Variants in CMSS1 observed in about 807,000 individuals in gnomAD.
CMSS1 encodes cms1 ribosomal small subunit homolog.
In CMSS1, 33 loss-of-function variants were observed where a neutral mutation model predicts 43.5. The ratio of observed to expected loss-of-function variants is 0.76; its 90% CI spans 0.57 to 1.01. CMSS1 has a LOEUF of 1.01. Among genes scored for constraint, CMSS1 ranks in the 50% least tolerant of loss-of-function variants. CMSS1 has a pLI of 0.00. For missense variants in CMSS1, 313 were observed against 326.4 expected, an observed-to-expected ratio of 0.96 and a Z score of 0.32; for synonymous variants, 115 against 117.2, an observed-to-expected ratio of 0.98 and a Z score of 0.12.
chr3:100,153,838 CT>C (rs377391619), intron 2 of CMSS1, among the ~76,000 whole-genome samples: 2 of 150,174 alleles, frequency 1.3e-5, no homozygotes, highest in Admixed American at 6.6e-5. Context: ...GAGGCTATTT[CT>C]TTTTTTTTCT....
intron 1 of CMSS1, among the ~76,000 whole-genome samples, chr3:99,947,670 C>T (rs1462554266): frequency 2.0e-5 from 3 of 152,202 alleles, no homozygotes; most frequent in Admixed American, 6.5e-5. Flanking sequence ...TATTCTACCT[C>T]CCCTCTAAAT....
chr3:99,824,682 T>C (rs1287398852), intron 1 of CMSS1, among the ~76,000 whole-genome samples: 1 of 152,274 alleles, frequency 6.6e-6, no homozygotes, highest in African/African-American at 2.4e-5. Flanking sequence ...AATGCCGCTT[T>C]TCTCTTTTCA....
intron 1 of CMSS1, among the ~76,000 whole-genome samples, chr3:99,949,172 A>G (rs1398264403): frequency 1.3e-5 from 2 of 152,328 alleles, no homozygotes; most frequent in Admixed American, 6.5e-5. Flanking sequence ...AGAGTGATTT[A>G]TTGTTAAGAT....
At chr3:99,875,982 A>G in intron 1 of CMSS1, 1 of 874,052 alleles carries the variant, frequency 1.1e-6, no homozygotes. Flanking sequence ...TGTGATGCTG[A>G]GACAGCTTTA....
At chr3:100,160,379 G>T in intron 2 of CMSS1, 51 bp from the exon 3 acceptor site, 2 of 924,528 alleles carry the variant, frequency 2.2e-6, no homozygotes, top group South Asian at 2.8e-5. Flanking sequence ...GCCACTAATT[G>T]ACACTTTATC....
chr3:100,059,060 A>C (rs2065515015), intron 1 of CMSS1, among the ~76,000 whole-genome samples: 1 of 152,218 alleles, frequency 6.6e-6, no homozygotes, highest in African/African-American at 2.4e-5. Flanking sequence ...CCTTTAGGGT[A>C]ATTTCTCTTT....
intron 1 of CMSS1, among the ~76,000 whole-genome samples, chr3:99,928,553 G>C (rs921837277): frequency 2.6e-5 from 4 of 152,140 alleles, no homozygotes; most frequent in Admixed American, 2.6e-4. Context: ...TTGTAGAAGG[G>C]GGGTATTTCC....
intron 1 of CMSS1, among the ~76,000 whole-genome samples, chr3:100,008,544 T>C (rs1710053810): frequency 6.6e-6 from 1 of 152,214 alleles, no homozygotes; most frequent in Admixed American, 6.5e-5. Context: ...GGAAATCTAC[T>C]CTAGCTGCAA....
intron 1 of CMSS1, among the ~76,000 whole-genome samples, chr3:100,127,008 A>G (rs987837422): frequency 6.6e-6 from 1 of 152,102 alleles, no homozygotes; most frequent in African/African-American, 2.4e-5. Context: ...AAAAAAAAAA[A>G]AAGAAAGTTG....
At chr3:100,017,322 A>G (rs1710373931) in intron 1 of CMSS1, among the ~76,000 whole-genome samples, 1 of 151,280 alleles carries the variant, frequency 6.6e-6, no homozygotes, top group Admixed American at 6.6e-5. Context: ...AGATTGGAGC[A>G]GTGAAGTTAG....
At chr3:99,931,542 G>A (rs1432940195) in intron 1 of CMSS1, among the ~76,000 whole-genome samples, 2 of 152,066 alleles carry the variant, frequency 1.3e-5, no homozygotes, top group Admixed American at 1.3e-4. Context: ...GACAGAAATG[G>A]CAGAGTTACT....
chr3:99,829,389 G>A (rs372999821), intron 1 of CMSS1, among the ~76,000 whole-genome samples: 6 of 152,182 alleles, frequency 3.9e-5, no homozygotes, highest in African/African-American at 1.4e-4. Flanking sequence ...GTGATGTAAA[G>A]AATTGCTTTA....
intron 1 of CMSS1, among the ~76,000 whole-genome samples, chr3:99,865,875 C>T (rs982533679): frequency 1.3e-5 from 2 of 151,786 alleles, no homozygotes; most frequent in Non-Finnish European, 2.9e-5. Flanking sequence ...TGTATTTTAG[C>T]AGATTAAAGA....
intron 3 of CMSS1, among the ~76,000 whole-genome samples, chr3:100,160,741 C>T (rs1259734662): frequency 1.3e-5 from 2 of 152,022 alleles, no homozygotes; most frequent in African/African-American, 2.4e-5. Context: ...TCTTTGTTAC[C>T]CACCCTATGT....
At chr3:99,951,490 G>T (rs1395051355) in intron 1 of CMSS1, among the ~76,000 whole-genome samples, 2 of 152,164 alleles carry the variant, frequency 1.3e-5, no homozygotes, top group Admixed American at 1.3e-4. Flanking sequence ...TTTTGTTTTA[G>T]TCCAGTCTCC....
At chr3:100,107,107 C>A (rs898131130) in intron 1 of CMSS1, among the ~76,000 whole-genome samples, 1 of 152,004 alleles carries the variant, frequency 6.6e-6, no homozygotes, top group African/African-American at 2.4e-5. Context: ...AGGTGAAAAT[C>A]TTTATATTCT....
At chr3:99,907,770 G>A (rs1044766030) in intron 1 of CMSS1, among the ~76,000 whole-genome samples, 2 of 152,028 alleles carry the variant, frequency 1.3e-5, no homozygotes, top group African/African-American at 4.8e-5. Flanking sequence ...AACTATGTCT[G>A]TCTTTTAATG....
intron 1 of CMSS1, among the ~76,000 whole-genome samples, chr3:100,067,020 C>G (rs2065677564): frequency 6.6e-6 from 1 of 152,176 alleles, no homozygotes; most frequent in African/African-American, 2.4e-5. Context: ...ATTCCTCAGT[C>G]AAGTGTGCTT....
At position 100,178,344 on chromosome 3, in the gene CMSS1, C is replaced by T; in HGVS notation, c.796C>T (p.Leu266Phe). The change falls in exon 10 of 10, where the codon CTC becomes TTC. Residue 266 changes from leucine (L) to phenylalanine (F), a missense_variant. Transcript: ENST00000421999. ...EVFELLEMGV[L>F]SLCKSESLKL... The stretch of plus-strand genomic sequence containing the variant: ...ATTCGAACTTCTGGAAATGGGAGTG[C>T]TCAGTCTGTGCAAGTCAGAATCCTT... The T allele has an allele frequency of 2.5e-6, 4 of 1,613,222 alleles. No individual in the cohort carries two copies. The highest frequency in any genetic ancestry group is 3.4e-6 in the Non-Finnish European group (4 of 1,179,306).
Sources: gnomAD v4.1 joint callset for allele counts (sites outside exome capture counted in the v4.1 genomes callset) on GRCh38, gnomAD v4.1.1 for gene constraint, MANE v1.5 for transcripts, NCBI Gene and HGNC (gene_info 2026-07-23, HGNC 2026-07-21) for gene names.